The following KLHL29 variants were observed in gnomAD, a reference collection of about 807,000 sequenced individuals.
KLHL29 encodes the protein kelch-like protein 29.
A neutral mutation model predicts 80.4 loss-of-function variants in KLHL29; 21 were observed. The observed-to-expected ratio is 0.26, with a 90% confidence interval of 0.19 to 0.38. KLHL29 has a LOEUF of 0.38. Ranked by LOEUF, KLHL29 falls within the 10% of genes least tolerant of loss-of-function variation. KLHL29 has a pLI of 1.00. For synonymous variants in KLHL29, 511 were observed against 526.8 expected, an observed-to-expected ratio of 0.97 and a Z score of 0.41; for missense variants, 867 against 1,223.9, an observed-to-expected ratio of 0.71 and a Z score of 4.35.
At chr2:23,640,188 C>T (rs1006782028) in intron 4 of KLHL29, among the ~76,000 whole-genome samples, 7 of 152,228 alleles carry the variant, frequency 4.6e-5, no homozygotes, top group African/African-American at 1.4e-4. Context: ...TTCCTGTTTG[C>T]TCTTAGGATC....
intron 1 of KLHL29, among the ~76,000 whole-genome samples, chr2:23,470,167 C>T (rs981506429): frequency 7.9e-5 from 12 of 152,180 alleles, no homozygotes; most frequent in African/African-American, 2.9e-4. Flanking sequence ...CCATTCTCCT[C>T]GCCCCAAACC....
At chr2:23,644,686 C>T (rs1485585646) in intron 5 of KLHL29, among the ~76,000 whole-genome samples, 1 of 152,236 alleles carries the variant, frequency 6.6e-6, no homozygotes, top group Non-Finnish European at 1.5e-5. Flanking sequence ...ATGACCATTG[C>T]AGAGCTGTTC....
At position 23,642,449 on chromosome 2, in the gene KLHL29, C is replaced by T; in HGVS notation, c.539C>T (p.Ala180Val). Residue 180 changes from alanine to valine, a missense_variant, in exon 5 of 14, where the codon GCC (alanine) becomes GTC (valine). By Grantham distance (64) the Ala-to-Val change is moderately conservative (BLOSUM62 0). Transcript: ENST00000486442. ...PTFSPAVNVQ[A>V]PVIGVTPSLP... ...TTCAGCCCGGCTGTGAACGTCCAGG[C>T]CCCGGTCATTGGGGTGACCCCCTCA... The T allele has an allele frequency of 6.6e-7, 1 of 1,506,280 alleles. No homozygotes were observed. The highest frequency in any genetic ancestry group is 2.1e-5 in the Admixed American group (1 of 47,760). The allele number at this position is 1,506,280 out of a possible 1,614,324, so 93.3% of individuals were successfully genotyped here.
chr2:23,503,251 G>A lies in KLHL29; in HGVS notation c.-46+27584G>A, dbSNP rs892131972. Among the ~76,000 whole-genome samples the A allele has an allele frequency of 6.6e-6, 1 of 152,136 alleles. No individual in the cohort carries two copies. The highest frequency in any genetic ancestry group is 2.4e-5 in the African/African-American group (1 of 41,426). On this transcript the variant is annotated intron_variant, in intron 2 of 13. Transcript: ENST00000486442. This position sits in a 1 kb window ranked among gnomAD's most constrained non-coding sequence, Gnocchi z 4.0. ...GCTGCTCCGGGCTGGCCTGGGCCTC[G>A]CTCTGCCTCTGTTGTTGCTCTGACC...
intron 2 of KLHL29, among the ~76,000 whole-genome samples, chr2:23,509,595 CTT>C (rs1665710314): frequency 6.6e-6 from 1 of 152,128 alleles, no homozygotes; most frequent in African/African-American, 2.4e-5. Flanking sequence ...CAAAAACAGT[CTT>C]ATATCTGTGG....
At chr2:23,518,241 C>A (rs2103467498) in intron 2 of KLHL29, among the ~76,000 whole-genome samples, 1 of 152,312 alleles carries the variant, frequency 6.6e-6, no homozygotes, top group Admixed American at 6.5e-5. Flanking sequence ...GACCCTGACG[C>A]TGTAAATGTC....
At chr2:23,572,590 ATTTAT>A (rs1490049201) in intron 3 of KLHL29, among the ~76,000 whole-genome samples, 3 of 152,190 alleles carry the variant, frequency 2.0e-5, no homozygotes, top group African/African-American at 4.8e-5. Context: ...ATATTTATTA[ATTTAT>A]TTAGCCACTA....
chr2:23,704,948 T>G (rs1477075668), intron 13 of KLHL29, among the ~76,000 whole-genome samples: 2 of 152,266 alleles, frequency 1.3e-5, no homozygotes, highest in Non-Finnish European at 2.9e-5. Flanking sequence ...CCTACTAGCA[T>G]GTCAGTGACC....
chr2:23,666,377 C>G (rs1265158078), intron 5 of KLHL29, among the ~76,000 whole-genome samples: 2 of 152,352 alleles, frequency 1.3e-5, no homozygotes, highest in Non-Finnish European at 2.9e-5. Flanking sequence ...CCCTCCACCC[C>G]AGGCAGCAAC....
intron 2 of KLHL29, among the ~76,000 whole-genome samples, chr2:23,479,405 C>T (rs187519755): frequency 1.3e-4 from 20 of 152,230 alleles, no homozygotes; most frequent in East Asian, 9.7e-4. Context: ...CTGTCCACCT[C>T]GGTGTCAGCA....
chr2:23,489,003 G>A (rs1665013447), intron 2 of KLHL29, among the ~76,000 whole-genome samples: 1 of 152,232 alleles, frequency 6.6e-6, no homozygotes, highest in Non-Finnish European at 1.5e-5. Flanking sequence ...CATCAGGACA[G>A]GACTTTGCAT....
intron 1 of KLHL29, among the ~76,000 whole-genome samples, chr2:23,392,083 T>C (rs1561321): frequency 0.26 from 40,037 of 152,148 alleles, 6,557 homozygotes; most frequent in Admixed American, 0.35. Context: ...CAGTAGTGGC[T>C]ATCTAGGGTG....
chr2:23,613,584 T>A (rs1270564014), intron 3 of KLHL29, among the ~76,000 whole-genome samples: 1 of 151,808 alleles, frequency 6.6e-6, no homozygotes, highest in African/African-American at 2.4e-5. Flanking sequence ...GCCAACATGG[T>A]GAAACCCCAT....
At chr2:23,520,983 A>T (rs911910516) in intron 2 of KLHL29, among the ~76,000 whole-genome samples, 4 of 117,604 alleles carry the variant, frequency 3.4e-5, no homozygotes, top group African/African-American at 1.3e-4. Flanking sequence ...CTTTCATTTT[A>T]CAAAGACCAC....
chr2:23,648,354 T>C (rs965531663), intron 5 of KLHL29, among the ~76,000 whole-genome samples: 1 of 152,128 alleles, frequency 6.6e-6, no homozygotes, highest in Non-Finnish European at 1.5e-5. Context: ...ACTATAAAAC[T>C]GTTCACTGTG....
At position 23,439,582 on chromosome 2, in the gene KLHL29, C is replaced by G. The variant is rs1210542886; in HGVS notation, c.-153-35978C>G. Among the ~76,000 whole-genome samples, 18 of 152,270 alleles carry G rather than the reference C, an allele frequency of 1.2e-4. No homozygotes were observed. The East Asian group carries it at 3.1e-3, about 26-fold the overall frequency. ...TTTCGTTATGTACCCAGTAGTCATT[C>G]AGGAGCAGCTTGTTCAGTTTCCATG... is the stretch of plus-strand genomic sequence containing the variant. On this transcript the variant is annotated intron_variant, in intron 1 of 13. Transcript: ENST00000486442.
Position 23,630,884 on chromosome 2 carries a change from G to A in KLHL29, c.286-8255G>A, listed in dbSNP as rs568659610. On this transcript the variant is annotated intron_variant, in intron 3 of 13. Coordinates refer to ENST00000486442, the MANE Select transcript of KLHL29 (RefSeq NM_052920.2). ...TCCTCATGAAAGGAAATCAGCGCATGCCGGCACCTGGAGTGGAGGAGGCTG... is the reference window on the plus strand; with the variant it reads ...TCCTCATGAAAGGAAATCAGCGCATACCGGCACCTGGAGTGGAGGAGGCTG... 7.2e-5 allele frequency among the ~76,000 whole-genome samples: 11 copies of A among 152,340 alleles called. No individual in the cohort carries two copies. In the South Asian group the frequency reaches 2.3e-3, roughly 32 times the overall value.
At chr2:23,509,184 A>G (rs934364) in intron 2 of KLHL29, among the ~76,000 whole-genome samples, 105,527 of 152,070 alleles carry the variant, frequency 0.69, 36,847 homozygotes, top group African/African-American at 0.75. Context: ...TGCTTCAGGC[A>G]CCCGGGAAGA....
chr2:23,521,832 C>T (rs899931509), intron 2 of KLHL29, among the ~76,000 whole-genome samples: 4 of 152,202 alleles, frequency 2.6e-5, no homozygotes, highest in Non-Finnish European at 4.4e-5. Context: ...TTAGTAGTAT[C>T]ATTAATTATG....
Sources: gnomAD v4.1 joint callset for allele counts (sites outside exome capture counted in the v4.1 genomes callset) on GRCh38, gnomAD v4.1.1 for gene constraint, Gnocchi (gnomAD v3.1) non-coding constraint, MANE v1.5 for transcripts, NCBI Gene and HGNC (gene_info 2026-07-23, HGNC 2026-07-21) for gene names.